KCNJ6: variants seen among roughly 807,000 people sequenced by gnomAD.
KCNJ6 encodes the protein potassium inwardly rectifying channel subfamily J member 6.
Under a neutral mutation model 34.2 loss-of-function variants are expected in KCNJ6, and 9 were observed. The ratio of observed to expected loss-of-function variants is 0.26; its 90% CI spans 0.16 to 0.46. The LOEUF is 0.46. Among genes scored for constraint, KCNJ6 ranks in the 20% least tolerant of loss-of-function variants. The probability of loss-of-function intolerance (pLI) is 1.00; values close to 1 mark genes in which losing one functional copy is unlikely to be tolerated. For missense variants in KCNJ6, 236 were observed against 531.3 expected (o/e 0.44, Z 5.46); for synonymous variants, 196 against 207.1 (o/e 0.95, Z 0.46).
At chr21:37,655,244 AG>A (rs1569438998) in intron 3 of KCNJ6, among the ~76,000 whole-genome samples, 13 of 40,728 alleles carry the variant, frequency 3.2e-4, no homozygotes, top group Middle Eastern at 0.012. Context: ...AGAGAGAGAG[AG>A]AGAGAGAGAG....
chr21:37,759,275 G>A (rs948405723), intron 2 of KCNJ6, among the ~76,000 whole-genome samples: 1 of 152,160 alleles, frequency 6.6e-6, no homozygotes, highest in African/African-American at 2.4e-5. Flanking sequence ...AGGTTTCTCT[G>A]GGTGCCTCAC....
chr21:37,629,784 A>T (rs1193307758), intron 3 of KCNJ6, among the ~76,000 whole-genome samples: 1 of 152,228 alleles, frequency 6.6e-6, no homozygotes, highest in Non-Finnish European at 1.5e-5. Flanking sequence ...CTATAGGGAG[A>T]GGAAAATACC....
intron 1 of KCNJ6, among the ~76,000 whole-genome samples, chr21:37,889,673 C>T (rs1439588561): frequency 1.3e-5 from 2 of 152,174 alleles, no homozygotes; most frequent in African/African-American, 4.8e-5. Flanking sequence ...GGGAAGAATC[C>T]ACTCCATGCC....
intron 3 of KCNJ6, among the ~76,000 whole-genome samples, chr21:37,647,796 A>G (rs1412805676): frequency 6.6e-6 from 1 of 152,124 alleles, no homozygotes; most frequent in Non-Finnish European, 1.5e-5. Flanking sequence ...CTCATGTGGA[A>G]CACCTCTGCC....
intron 2 of KCNJ6, among the ~76,000 whole-genome samples, chr21:37,831,950 A>T (rs1244504765): frequency 1.3e-5 from 2 of 152,090 alleles, no homozygotes; most frequent in African/African-American, 2.4e-5. Context: ...GGGACAGTAG[A>T]AGGCACACTG....
chr21:37,663,989 C>A (rs1234092454), intron 3 of KCNJ6, among the ~76,000 whole-genome samples: 3 of 152,084 alleles, frequency 2.0e-5, no homozygotes, highest in Non-Finnish European at 2.9e-5. Flanking sequence ...CTTTATAAGT[C>A]CCAAAGAAAC....
chr21:37,717,411 T>G (rs857960), intron 2 of KCNJ6, among the ~76,000 whole-genome samples: 142,784 of 151,500 alleles, frequency 0.94, 67,393 homozygotes, highest in East Asian at 1. Flanking sequence ...GCCATGTCCT[T>G]CTCACTGGAG....
intron 2 of KCNJ6, among the ~76,000 whole-genome samples, chr21:37,730,613 A>G (rs1044833155): frequency 6.6e-6 from 1 of 152,210 alleles, no homozygotes; most frequent in East Asian, 1.9e-4. Flanking sequence ...ATTGTCCTGG[A>G]AACTGTGGGA....
At chr21:37,853,257 A>G (rs1030644577) in intron 1 of KCNJ6, among the ~76,000 whole-genome samples, 5 of 152,120 alleles carry the variant, frequency 3.3e-5, no homozygotes, top group Non-Finnish European at 5.9e-5. Context: ...ACTAAAGAAA[A>G]AGAAAAAAAT....
At chr21:37,830,541 C>T (rs997317585) in intron 2 of KCNJ6, among the ~76,000 whole-genome samples, 1 of 152,052 alleles carries the variant, frequency 6.6e-6, no homozygotes, top group Non-Finnish European at 1.5e-5. Context: ...GTTGATCATC[C>T]TACAATTCAC....
intron 2 of KCNJ6, among the ~76,000 whole-genome samples, chr21:37,778,710 T>C (rs932363554): frequency 6.6e-6 from 1 of 151,800 alleles, no homozygotes; most frequent in Admixed American, 6.6e-5. Context: ...TGTGTGTGTG[T>C]GTGTGTGTGT....
chr21:37,656,182 C>G (rs139524507), intron 3 of KCNJ6, among the ~76,000 whole-genome samples: 2 of 152,302 alleles, frequency 1.3e-5, no homozygotes, highest in East Asian at 3.9e-4. Flanking sequence ...TGGCCACACC[C>G]CTTCTCCCTG....
chr21:37,820,716 AC>A (rs2055369497), intron 2 of KCNJ6, among the ~76,000 whole-genome samples: 2 of 152,358 alleles, frequency 1.3e-5, no homozygotes, highest in Admixed American at 1.3e-4. Context: ...ACTTTGGCAA[AC>A]CCAAATATTC....
At position 37,609,300 on chromosome 21, in the gene KCNJ6, A is replaced by C. The variant is rs963089316; in HGVS notation, c.*15859T>G. The C allele has an allele frequency of 6.6e-6, 1 of 152,128 alleles. No homozygotes were observed. Among genetic ancestry groups the C allele is most frequent in the Non-Finnish European group, 1.5e-5 (1 of 68,022 alleles). 9.4% of individuals were successfully genotyped at this position (152,128 alleles called of 1,614,324 possible). ...TTCTTGAAAATTCTGTGTGATGGTG[A>C]GAATAAGAAGTTCCAGGTACATAGA... is the stretch of plus-strand genomic sequence containing the variant. On this transcript the variant is annotated 3_prime_UTR_variant, in exon 4 of 4. Coordinates refer to ENST00000609713, the MANE Select transcript of KCNJ6 (RefSeq NM_002240.5).
At chr21:37,832,739 T>A (rs1180829135) in intron 2 of KCNJ6, among the ~76,000 whole-genome samples, 5 of 152,174 alleles carry the variant, frequency 3.3e-5, no homozygotes, top group South Asian at 4.2e-4. Flanking sequence ...TCAGCTGACA[T>A]CCAGATAGGC....
Position 37,844,926 on chromosome 21 carries a change from T to C in KCNJ6, c.-27-4217A>G, listed in dbSNP as rs550341947. Reference sequence around the variant, plus strand: ...TCTCAATAGCCTCATCTGGAGGTCATGGCTGGGAGGTAGTGTGTGGTAGAC... The same window carrying C: ...TCTCAATAGCCTCATCTGGAGGTCACGGCTGGGAGGTAGTGTGTGGTAGAC... On this transcript the variant is annotated intron_variant, in intron 1 of 3. Transcript: ENST00000609713. 8.5e-4 allele frequency among the ~76,000 whole-genome samples: 130 copies of C among 152,300 alleles called. 1 individual carries two copies. The highest frequency in any genetic ancestry group is 3.1e-3 in the African/African-American group (128 of 41,566).
At chr21:37,846,388 T>C (rs865825212) in intron 1 of KCNJ6, among the ~76,000 whole-genome samples, 7 of 85,642 alleles carry the variant, frequency 8.2e-5, no homozygotes, top group African/African-American at 2.7e-4. Context: ...TGTGTGTGTG[T>C]GTGTGTGTGT....
At chr21:37,767,335 C>T (rs574253818) in intron 2 of KCNJ6, among the ~76,000 whole-genome samples, 41 of 152,314 alleles carry the variant, frequency 2.7e-4, no homozygotes, top group African/African-American at 9.9e-4. Flanking sequence ...TGATTAAGAA[C>T]TTAGGATGGG....
chr21:37,873,991 C>T (rs2055665384), intron 1 of KCNJ6, among the ~76,000 whole-genome samples: 1 of 152,204 alleles, frequency 6.6e-6, no homozygotes, highest in Non-Finnish European at 1.5e-5. Flanking sequence ...CAACTTCTAT[C>T]TCCATTTCTC....
Sources: gnomAD v4.1 joint callset for allele counts (sites outside exome capture counted in the v4.1 genomes callset) on GRCh38, gnomAD v4.1.1 for gene constraint, MANE v1.5 for transcripts, NCBI Gene and HGNC (gene_info 2026-07-23, HGNC 2026-07-21) for gene names.